Variants in MINDY4B observed in about 807,000 individuals in gnomAD.
MINDY4B encodes MINDY family member 4B.
Under a neutral mutation model 16.7 loss-of-function variants are expected in MINDY4B, and 25 were observed. The ratio of observed to expected loss-of-function variants is 1.49; its 90% confidence interval spans 1.09 to 2.09. The LOEUF is 2.09. Among genes scored for constraint, MINDY4B ranks in the 30% most tolerant of loss-of-function variants. The pLI is 0.00. For missense variants in MINDY4B, 327 were observed against 168.4 expected, an observed-to-expected ratio of 1.94 and a Z score of -5.21; for synonymous variants, 132 against 61.9, an observed-to-expected ratio of 2.13 and a Z score of -5.32.
intron 10 of MINDY4B, among the ~76,000 whole-genome samples, chr3:150,875,686 A>G (rs1170774688): frequency 2.0e-5 from 3 of 152,104 alleles, no homozygotes; most frequent in Middle Eastern, 3.2e-3. Flanking sequence ...ACCACCTTCA[A>G]CCCTCCAAAA....
At chr3:150,887,296 A>G (rs972934957) in intron 7 of MINDY4B, among the ~76,000 whole-genome samples, 1 of 152,244 alleles carries the variant, frequency 6.6e-6, no homozygotes, top group African/African-American at 2.4e-5. Flanking sequence ...ATGGTGAGAT[A>G]TTCCATCACA....
At chr3:150,897,078 G>A (rs1205691859) in intron 3 of MINDY4B, among the ~76,000 whole-genome samples, 2 of 152,096 alleles carry the variant, frequency 1.3e-5, no homozygotes, top group African/African-American at 4.8e-5. Flanking sequence ...CTGTCAGAGT[G>A]GACAAGGGGA....
intron 10 of MINDY4B, 87 bp downstream of exon 10, chr3:150,882,810 G>T (rs1283427581): frequency 5.7e-6 from 3 of 525,568 alleles, no homozygotes; most frequent in East Asian, 6.4e-5. Context: ...AAGTAGGCTC[G>T]GGTTTGAATT....
At chr3:150,890,645 A>T in intron 6 of MINDY4B, 1 of 489,550 alleles carries the variant, frequency 2.0e-6, no homozygotes, top group African/African-American at 1.9e-5. Flanking sequence ...ATTTTTTCCT[A>T]ATAGGTGAAA....
At chr3:150,896,475 C>T (rs929631463) in intron 3 of MINDY4B, among the ~76,000 whole-genome samples, 4 of 152,072 alleles carry the variant, frequency 2.6e-5, no homozygotes, top group African/African-American at 4.8e-5. Context: ...GCCATATTAC[C>T]AGAGTTGGTT....
intron 10 of MINDY4B, among the ~76,000 whole-genome samples, chr3:150,879,861 C>T (rs1711506729): frequency 6.6e-6 from 1 of 152,190 alleles, no homozygotes; most frequent in Non-Finnish European, 1.5e-5. Flanking sequence ...CTGTATCCTT[C>T]CTGTAGAAAT....
chr3:150,901,931 T>C (rs1311057008), intron 3 of MINDY4B, among the ~76,000 whole-genome samples: 3 of 152,012 alleles, frequency 2.0e-5, no homozygotes, highest in South Asian at 2.1e-4. Context: ...GGAGGTTTTG[T>C]ATGATAAAAA....
intron 7 of MINDY4B, 123 bp downstream of exon 7, chr3:150,890,197 C>G (rs913273154): frequency 2.4e-6 from 1 of 418,726 alleles, no homozygotes; most frequent in Non-Finnish European, 4.2e-6. Flanking sequence ...TCTGCCCTTT[C>G]TTAGCCCTCA....
chr3:150,900,803 G>A (rs1037248578), intron 3 of MINDY4B, among the ~76,000 whole-genome samples: 4 of 152,228 alleles, frequency 2.6e-5, no homozygotes, highest in Admixed American at 1.3e-4. Context: ...TTGTAGATAA[G>A]TGGGAATATT....
At chr3:150,882,564 GTATATATATA>G (rs59302082) in intron 10 of MINDY4B, among the ~76,000 whole-genome samples, 4,266 of 147,962 alleles carry the variant, frequency 0.029, 197 homozygotes, top group African/African-American at 0.097. Context: ...GTGTATGTGT[GTATATATATA>G]TATATATATA....
chr3:150,888,066 C>T (rs1428881947), intron 7 of MINDY4B, among the ~76,000 whole-genome samples: 3 of 152,066 alleles, frequency 2.0e-5, no homozygotes, highest in African/African-American at 7.2e-5. Flanking sequence ...GAGATCGCAC[C>T]ACTGTACTCC....
chr3:150,905,220 G>T lies in MINDY4B; in HGVS notation c.113+107C>A, dbSNP rs150072540. ...ATAGTTATGCCTGAAGCATTTTAAA[G>T]GTAAATCTATAAAGGAAATTTCTCA... On this transcript the variant is annotated intron_variant, in intron 1 of 11. Transcript: ENST00000465419. The T allele has an allele frequency of 1.0e-4, 41 of 398,116 alleles. No individual in the cohort carries two copies. In the East Asian group the frequency reaches 1.4e-3, roughly 14 times the overall value. The allele number at this position is 398,116 out of a possible 1,614,324, so 24.7% of individuals were successfully genotyped here.
chr3:150,889,525 T>C (rs762399114), intron 7 of MINDY4B, among the ~76,000 whole-genome samples: 8 of 152,228 alleles, frequency 5.3e-5, no homozygotes, highest in Non-Finnish European at 8.8e-5. Context: ...CTTTGCCATA[T>C]AGTGTAATAT....
At position 150,891,731 on chromosome 3, in the gene MINDY4B, C is replaced by T. The variant is rs182813665; in HGVS notation, c.522-628G>A. 3.7e-3 allele frequency among the ~76,000 whole-genome samples: 513 copies of T among 139,108 alleles called. 2 individuals are homozygous for T. The highest frequency in any genetic ancestry group is 0.013 in the African/African-American group (487 of 36,712). The allele number at this position is 139,108 out of a possible 152,430, so 91.3% of individuals were successfully genotyped here. Reference sequence around the variant, plus strand: ...GAGCCGAGATCATGCCATTGTACTCCAGCCTGGGTGACAGAGTGAGACTCC... The same window carrying T: ...GAGCCGAGATCATGCCATTGTACTCTAGCCTGGGTGACAGAGTGAGACTCC... On this transcript the variant is annotated intron_variant, in intron 5 of 11. Transcript: ENST00000465419.
chr3:150,878,071 A>G (rs1711499420), intron 10 of MINDY4B, among the ~76,000 whole-genome samples: 1 of 152,118 alleles, frequency 6.6e-6, no homozygotes, highest in Admixed American at 6.5e-5. Flanking sequence ...TGACCAAGCA[A>G]TAGACCTTGG....
At chr3:150,885,289 A>AT in intron 8 of MINDY4B, 79 bp downstream of exon 8, 1 of 666,118 alleles carries the variant, frequency 1.5e-6, no homozygotes, top group East Asian at 2.7e-5. Flanking sequence ...CAATATGGAG[A>AT]TTTTTCAATA....
chr3:150,882,564 G>GTA (rs59302082), intron 10 of MINDY4B, among the ~76,000 whole-genome samples: 2,537 of 147,932 alleles, frequency 0.017, 33 homozygotes, highest in East Asian at 0.092. Flanking sequence ...GTGTATGTGT[G>GTA]TATATATATA....
intron 2 of MINDY4B, 77 bp downstream of exon 2, chr3:150,904,985 T>C: frequency 2.5e-6 from 1 of 398,352 alleles, no homozygotes; most frequent in Non-Finnish European, 4.4e-6. Context: ...AAAGAATAAA[T>C]GCAGATTATG....
intron 3 of MINDY4B, among the ~76,000 whole-genome samples, chr3:150,894,526 A>T (rs939524145): frequency 1.3e-5 from 2 of 152,136 alleles, no homozygotes; most frequent in African/African-American, 2.4e-5. Flanking sequence ...CCAGGCATCT[A>T]CTTTGCAGTT....
Sources: gnomAD v4.1 joint callset for allele counts (sites outside exome capture counted in the v4.1 genomes callset) on GRCh38, gnomAD v4.1.1 for gene constraint, MANE v1.5 for transcripts, NCBI Gene and HGNC (gene_info 2026-07-23, HGNC 2026-07-21) for gene names.